Variants in LPP observed in about 807,000 individuals in gnomAD.
The protein encoded by LPP is LIM domain containing preferred translocation partner in lipoma.
LPP carries 38 observed loss-of-function variants against 60.4 expected under a neutral mutation model. That is an observed-to-expected ratio of 0.63 (90% confidence interval 0.49 to 0.83). The LOEUF (loss-of-function observed/expected upper bound fraction) is 0.83, where lower values mean the gene tolerates loss of function less well. Among genes scored for constraint, LPP ranks in the 40% least tolerant of loss-of-function variants. LPP has a pLI of 0.00. For missense variants in LPP, 902 were observed against 783.6 expected (o/e 1.15, Z -1.80); for synonymous variants, 328 against 290.8 (o/e 1.13, Z -1.30).
intron 7 of LPP, among the ~76,000 whole-genome samples, chr3:188,657,258 G>GTATATATATATGTATATATATA (rs1853441397): frequency 1.1e-5 from 1 of 89,812 alleles, no homozygotes; most frequent in Admixed American, 1.3e-4. Flanking sequence ...CTGTCAAGGT[G>GTATATATATATGTATATATATA]TATATATATA....
At chr3:188,838,524 A>C (rs1004266687) in intron 9 of LPP, among the ~76,000 whole-genome samples, 2 of 152,198 alleles carry the variant, frequency 1.3e-5, no homozygotes, top group African/African-American at 4.8e-5. Flanking sequence ...GAAAATATAC[A>C]GCTTTAGGAT....
At chr3:188,819,600 G>A (rs1014235987) in intron 9 of LPP, among the ~76,000 whole-genome samples, 7 of 152,190 alleles carry the variant, frequency 4.6e-5, no homozygotes, top group African/African-American at 1.7e-4. Context: ...GGAATACTTT[G>A]TGGAGGAGGT....
At chr3:188,484,769 C>T (rs1350923030) in intron 5 of LPP, 65 bp downstream of exon 5, 11 of 1,133,802 alleles carry the variant, frequency 9.7e-6, no homozygotes, top group Admixed American at 8.8e-5. Flanking sequence ...TATAAGCCAT[C>T]CTAGGGAGCT....
chr3:188,723,441 A>G (rs1282184910), intron 8 of LPP, among the ~76,000 whole-genome samples: 6 of 152,166 alleles, frequency 3.9e-5, no homozygotes, highest in African/African-American at 1.4e-4. Context: ...TTCTCAAACC[A>G]TTCAGAAATG....
chr3:188,318,851 C>T (rs1362546588), intron 2 of LPP, among the ~76,000 whole-genome samples: 9 of 147,762 alleles, frequency 6.1e-5, no homozygotes, highest in East Asian at 2.0e-4. Flanking sequence ...CTCCGCCTCC[C>T]GGGTTCACGC....
intron 7 of LPP, among the ~76,000 whole-genome samples, chr3:188,705,076 A>G (rs1348684165): frequency 2.0e-5 from 3 of 152,214 alleles, no homozygotes; most frequent in African/African-American, 4.8e-5. Context: ...GCATATCTTT[A>G]TCACTTGAAG....
intron 6 of LPP, chr3:188,568,195 A>AT (rs1210836986): frequency 4.6e-5 from 7 of 151,956 alleles, no homozygotes; most frequent in Non-Finnish European, 8.8e-5. Context: ...ATAATATTTT[A>AT]TTTTTATGAA....
intron 2 of LPP, among the ~76,000 whole-genome samples, chr3:188,239,586 G>T (rs1288819357): frequency 6.6e-6 from 1 of 151,978 alleles, no homozygotes; most frequent in Non-Finnish European, 1.5e-5. Context: ...AATATTTCAG[G>T]CTCCTTAGTT....
chr3:188,292,922 A>G, intron 2 of LPP, among the ~76,000 whole-genome samples: 1 of 152,184 alleles, frequency 6.6e-6, no homozygotes. Flanking sequence ...GTAAGGATCA[A>G]CTTGTATAGA....
chr3:188,660,281 A>G (rs918319449), intron 7 of LPP, among the ~76,000 whole-genome samples: 4 of 152,188 alleles, frequency 2.6e-5, no homozygotes, highest in African/African-American at 7.2e-5. Context: ...ATATTGTTCA[A>G]TGTTGGCATA....
At chr3:188,871,682 C>T (rs1197630614) in intron 10 of LPP, among the ~76,000 whole-genome samples, 7 of 151,982 alleles carry the variant, frequency 4.6e-5, no homozygotes, top group African/African-American at 1.7e-4. Flanking sequence ...TTTTTTAAAT[C>T]TCTTCAGTTC....
intron 6 of LPP, among the ~76,000 whole-genome samples, chr3:188,567,778 T>C (rs896857124): frequency 5.3e-5 from 8 of 151,978 alleles, no homozygotes; most frequent in Non-Finnish European, 1.2e-4. Flanking sequence ...CAAGAGTTTA[T>C]TCCTCTTCTC....
At chr3:188,264,696 A>G (rs1734835300) in intron 2 of LPP, among the ~76,000 whole-genome samples, 1 of 152,176 alleles carries the variant, frequency 6.6e-6, no homozygotes, top group Non-Finnish European at 1.5e-5. Context: ...CCAGCAGCAC[A>G]CAGGCCAAAT....
intron 2 of LPP, among the ~76,000 whole-genome samples, chr3:188,335,438 TATTTTGTTGAGG>T (rs1761371561): frequency 6.6e-6 from 1 of 152,196 alleles, no homozygotes; most frequent in South Asian, 2.1e-4. Context: ...AGTTTGCTAG[TATTTTGTTGAGG>T]ATTTTTGCAT....
At chr3:188,602,511 A>G (rs918734035) in intron 6 of LPP, among the ~76,000 whole-genome samples, 10 of 151,934 alleles carry the variant, frequency 6.6e-5, no homozygotes, top group Admixed American at 4.6e-4. Flanking sequence ...TCCAGCCATT[A>G]TTTATTAAGT....
intron 9 of LPP, among the ~76,000 whole-genome samples, chr3:188,808,582 C>T (rs1403580366): frequency 6.6e-6 from 1 of 152,114 alleles, no homozygotes; most frequent in South Asian, 2.1e-4. Context: ...ATGGGCAGGG[C>T]ATTAAGCCTT....
chr3:188,607,418 A>ATTTT (rs774045050), intron 6 of LPP, among the ~76,000 whole-genome samples: 10 of 38,494 alleles, frequency 2.6e-4, no homozygotes, highest in African/African-American at 6.2e-4. Flanking sequence ...TATATATATA[A>ATTTT]TTTTTTTTTC....
intron 7 of LPP, among the ~76,000 whole-genome samples, chr3:188,665,239 A>G (rs1409344864): frequency 6.6e-6 from 1 of 152,176 alleles, no homozygotes; most frequent in Non-Finnish European, 1.5e-5. Flanking sequence ...AATGGGCTAC[A>G]GGCATTCAAT....
chr3:188,212,660 T>G (rs941068287), intron 1 of LPP: 3 of 141,722 alleles, frequency 2.1e-5, no homozygotes, highest in Non-Finnish European at 4.7e-5. Context: ...CCCCCACCCT[T>G]CCCCCTTCAT....
Sources: allele counts gnomAD v4.1 joint callset (sites outside exome capture counted in the v4.1 genomes callset), GRCh38; gene constraint gnomAD v4.1.1; transcripts MANE v1.5; gene names NCBI Gene and HGNC (gene_info 2026-07-23, HGNC 2026-07-21).